FAM185A: variants seen among roughly 807,000 people sequenced by gnomAD.
The protein encoded by FAM185A is family with sequence similarity 185 member A.
Under a neutral mutation model 45.7 loss-of-function variants are expected in FAM185A, and 21 were observed. The ratio of observed to expected loss-of-function variants is 0.46; its 90% confidence interval spans 0.33 to 0.66. FAM185A has a LOEUF of 0.66. Ranked by LOEUF, FAM185A falls within the 30% of genes least tolerant of loss-of-function variation. The pLI is 0.03. For missense variants in FAM185A, 305 were observed against 485.4 expected, an observed-to-expected ratio of 0.63 and a Z score of 3.49; for synonymous variants, 117 against 194.0, an observed-to-expected ratio of 0.60 and a Z score of 3.30.
intron 7 of FAM185A, among the ~76,000 whole-genome samples, chr7:102,796,563 A>C (rs1454868985): frequency 3.3e-5 from 5 of 152,230 alleles, no homozygotes; most frequent in South Asian, 2.1e-4. Context: ...ATGAACAAGG[A>C]CAGCTTGGTG....
chr7:102,842,609 G>C, the FAM185A span, among the ~76,000 whole-genome samples: 1 of 152,216 alleles, frequency 6.6e-6, no homozygotes, highest in South Asian at 2.1e-4. Flanking sequence ...AGTTCTTGCT[G>C]TTAGAGCACA....
intron 6 of FAM185A, among the ~76,000 whole-genome samples, chr7:102,780,027 T>A (rs139609362): frequency 0.01 from 1,540 of 152,184 alleles, 23 homozygotes; most frequent in African/African-American, 0.035. Context: ...TATTTCTTAA[T>A]AAAATAAACT....
At chr7:102,826,058 A>T in the FAM185A span, among the ~76,000 whole-genome samples, 1 of 151,952 alleles carries the variant, frequency 6.6e-6, no homozygotes, top group Non-Finnish European at 1.5e-5. Context: ...ATTTTTTTTT[A>T]GTAGGACCTC....
the FAM185A span, among the ~76,000 whole-genome samples, chr7:102,821,155 A>G: frequency 2.0e-5 from 3 of 152,250 alleles, no homozygotes; most frequent in East Asian, 1.9e-4. Context: ...CTAGGACCCT[A>G]TTTCATTGTA....
Position 102,787,457 on chromosome 7 carries a change from G to T in FAM185A, c.1054G>T (p.Val352Leu), listed in dbSNP as rs1343717417. The change falls in exon 7 of 8, where the codon GTA (valine) becomes TTA (leucine). Residue 352 changes from valine to leucine, a missense_variant. Transcript: ENST00000413034. ...GGCTGAAGTTCGTAAAGATGATGTT[G>T]TAACAGTGACTGGTAAGGAGGCTGC... ...EMAEVRKDDV[V>L]TVTGLMNQAS... 6 of 1,519,042 alleles carry T rather than the reference G, an allele frequency of 3.9e-6. No individual in the cohort carries two copies. The highest frequency in any genetic ancestry group is 5.3e-6 in the Non-Finnish European group (6 of 1,124,462). 94.1% of individuals were successfully genotyped at this position (1,519,042 alleles called of 1,614,324 possible).
At chr7:102,758,514 C>A (rs75206421) in intron 3 of FAM185A, among the ~76,000 whole-genome samples, 12,201 of 129,814 alleles carry the variant, frequency 0.094, 748 homozygotes, top group East Asian at 0.24. Flanking sequence ...ATTTTTTAAT[C>A]AACTCCTTTT....
intron 7 of FAM185A, among the ~76,000 whole-genome samples, chr7:102,807,764 A>T (rs939637900): frequency 1.3e-5 from 2 of 152,016 alleles, no homozygotes; most frequent in Middle Eastern, 6.8e-3. Flanking sequence ...AAAAAAAAAA[A>T]AAATACAGAG....
At chr7:102,802,149 T>A (rs1370668879) in intron 7 of FAM185A, among the ~76,000 whole-genome samples, 1 of 152,096 alleles carries the variant, frequency 6.6e-6, no homozygotes, top group East Asian at 1.9e-4. Flanking sequence ...TGAAAGTCAA[T>A]GAAGAAAAAA....
chr7:102,807,098 TA>T (rs1239036301), intron 7 of FAM185A, among the ~76,000 whole-genome samples: 1 of 152,008 alleles, frequency 6.6e-6, no homozygotes, highest in Non-Finnish European at 1.5e-5. Flanking sequence ...TGCATAACTG[TA>T]TACTCCCATT....
At chr7:102,810,204 T>C (rs78750182), downstream of FAM185A, among the ~76,000 whole-genome samples, 1,533 of 152,326 alleles carry the variant, frequency 0.01, 22 homozygotes, top group African/African-American at 0.035. Flanking sequence ...GCTTGGATTA[T>C]ATTTTTTATG....
chr7:102,778,169 T>A (rs1018410279), intron 6 of FAM185A, among the ~76,000 whole-genome samples: 7 of 152,276 alleles, frequency 4.6e-5, no homozygotes, highest in Admixed American at 4.6e-4. Flanking sequence ...TAGTAGTTGC[T>A]TTACCATATT....
chr7:102,784,627 C>G (rs1335388663), intron 6 of FAM185A, among the ~76,000 whole-genome samples: 1 of 152,058 alleles, frequency 6.6e-6, no homozygotes, highest in Non-Finnish European at 1.5e-5. Flanking sequence ...TGACAAAATT[C>G]AACAACGCTT....
At chr7:102,792,242 A>G (rs1796182130) in intron 7 of FAM185A, among the ~76,000 whole-genome samples, 1 of 151,540 alleles carries the variant, frequency 6.6e-6, no homozygotes, top group Non-Finnish European at 1.5e-5. Flanking sequence ...TAAATAACTC[A>G]GGTGTATAAT....
chr7:102,758,119 G>A (rs1294361924), intron 3 of FAM185A, among the ~76,000 whole-genome samples, 173 bp downstream of exon 3: 1 of 152,008 alleles, frequency 6.6e-6, no homozygotes, highest in East Asian at 1.9e-4. Context: ...TACAACTTAA[G>A]TTTTAGTTTG....
rs1268922697 is a variant in FAM185A at position 102,772,405 on chromosome 7, G to A, written c.794-4G>A. On this transcript the variant is annotated splice_polypyrimidine_tract_variant and splice_region_variant and intron_variant, in intron 4 of 7. Coordinates refer to ENST00000413034, the MANE Select transcript of FAM185A (RefSeq NM_001145268.2). ...ACATAAAAGTATCTTTTTCTTTTTG[G>A]CAGGTAATATAACATTACAAAGCAA... 1 of 1,535,604 alleles carries A rather than the reference G, an allele frequency of 6.5e-7. No homozygotes were observed.
At chr7:102,764,896 T>A (rs534057776) in intron 4 of FAM185A, among the ~76,000 whole-genome samples, 3 of 152,234 alleles carry the variant, frequency 2.0e-5, no homozygotes, top group Non-Finnish European at 4.4e-5. Flanking sequence ...GTAACTTTCT[T>A]TTTGGTGGAT....
the FAM185A span, among the ~76,000 whole-genome samples, chr7:102,817,114 G>GTAGA: frequency 1.1e-4 from 17 of 152,110 alleles, no homozygotes; most frequent in African/African-American, 3.9e-4. Flanking sequence ...TTTCCTTTGG[G>GTAGA]TAGATACCCA....
At chr7:102,759,074 C>T (rs1430966691) in intron 3 of FAM185A, among the ~76,000 whole-genome samples, 1 of 151,902 alleles carries the variant, frequency 6.6e-6, no homozygotes, top group Non-Finnish European at 1.5e-5. Context: ...CACTGTGTGG[C>T]CTTATGCTGC....
chr7:102,837,473 T>C, the FAM185A span, among the ~76,000 whole-genome samples: 4 of 152,370 alleles, frequency 2.6e-5, no homozygotes, highest in South Asian at 6.2e-4. Context: ...GGATAAACTT[T>C]GGCTTCAAAC....
Sources: gnomAD v4.1 joint callset for allele counts (sites outside exome capture counted in the v4.1 genomes callset) on GRCh38, gnomAD v4.1.1 for gene constraint, MANE v1.5 for transcripts, NCBI Gene and HGNC (gene_info 2026-07-23, HGNC 2026-07-21) for gene names.